Variants in PDZRN4 observed in about 807,000 individuals in gnomAD.
The protein encoded by PDZRN4 is PDZ domain-containing RING finger protein 4.
In PDZRN4, 70 loss-of-function variants were observed where a neutral mutation model predicts 99.0. The ratio of observed to expected loss-of-function variants is 0.71; its 90% CI spans 0.58 to 0.86. The LOEUF (loss-of-function observed/expected upper bound fraction) is 0.86, where lower values mean the gene tolerates loss of function less well. Among genes scored for constraint, PDZRN4 ranks in the 40% least tolerant of loss-of-function variants. The pLI, the probability that PDZRN4 is intolerant of heterozygous loss-of-function variation, is 0.00. For missense variants in PDZRN4, 1,474 were observed against 1,331.2 expected (o/e 1.11, Z -1.67); for synonymous variants, 551 against 501.6 (o/e 1.10, Z -1.32).
chr12:41,568,441 T>C (rs1385531086), intron 9 of PDZRN4, among the ~76,000 whole-genome samples: 1 of 152,200 alleles, frequency 6.6e-6, no homozygotes, highest in East Asian at 1.9e-4. Context: ...ACATTTCCCA[T>C]AGTATAACTT....
At chr12:41,553,481 C>T (rs946581464) in intron 6 of PDZRN4, among the ~76,000 whole-genome samples, 10 of 151,568 alleles carry the variant, frequency 6.6e-5, no homozygotes, top group South Asian at 4.2e-4. Context: ...TTTGAGAAGC[C>T]GAGACAGGAA....
At chr12:41,454,428 T>A (rs1952801656) in intron 3 of PDZRN4, among the ~76,000 whole-genome samples, 1 of 152,156 alleles carries the variant, frequency 6.6e-6, no homozygotes, top group African/African-American at 2.4e-5. Context: ...AAAGATGTAT[T>A]TTTTTCTTTT....
intron 3 of PDZRN4, among the ~76,000 whole-genome samples, chr12:41,246,788 T>C (rs1432080425): frequency 6.6e-6 from 1 of 152,194 alleles, no homozygotes; most frequent in Non-Finnish European, 1.5e-5. Context: ...ATGAGTCCTG[T>C]TATGCCACCG....
At chr12:41,331,578 C>A (rs113284723) in intron 3 of PDZRN4, among the ~76,000 whole-genome samples, 1 of 152,072 alleles carries the variant, frequency 6.6e-6, no homozygotes, top group Admixed American at 6.6e-5. Flanking sequence ...AGGAAGTTGG[C>A]ATTCAGCGAT....
intron 5 of PDZRN4, among the ~76,000 whole-genome samples, chr12:41,526,945 A>T (rs1938578047): frequency 6.6e-6 from 1 of 152,214 alleles, no homozygotes; most frequent in Non-Finnish European, 1.5e-5. Context: ...TTCAGCAATA[A>T]ATATTTTTGA....
At chr12:41,469,240 A>G (rs1369552880) in intron 3 of PDZRN4, among the ~76,000 whole-genome samples, 1 of 152,138 alleles carries the variant, frequency 6.6e-6, no homozygotes, top group African/African-American at 2.4e-5. Context: ...TTATGTGTGA[A>G]AAAAGGTACA....
intron 6 of PDZRN4, among the ~76,000 whole-genome samples, chr12:41,554,713 C>A (rs183695085): frequency 9.2e-4 from 140 of 152,152 alleles, no homozygotes; most frequent in African/African-American, 3.3e-3. Context: ...CCTAATACAG[C>A]CTTAAATATC....
rs186320156 is a variant in PDZRN4, at chr12:41,492,045, G to A, written c.844-14411G>A. Among the ~76,000 whole-genome samples, 351 of 152,182 alleles carry A rather than the reference G, an allele frequency of 2.3e-3. 3 individuals are homozygous for A. The highest frequency in any genetic ancestry group is 6.8e-3 in the Middle Eastern group (2 of 294). On this transcript the variant is annotated intron_variant, in intron 3 of 9. Transcript: ENST00000402685. ...GAATTTATGCTATGAATTGATTAGC[G>A]TATCAAGCACTTGCATCAGATGCAT...
intron 3 of PDZRN4, among the ~76,000 whole-genome samples, chr12:41,481,810 C>G (rs983225181): frequency 2.0e-5 from 3 of 152,174 alleles, no homozygotes; most frequent in South Asian, 2.1e-4. Context: ...CCTCTCCAGA[C>G]AGAAACTAAA....
chr12:41,230,524 T>C (rs1173085465), intron 3 of PDZRN4, among the ~76,000 whole-genome samples: 1 of 152,118 alleles, frequency 6.6e-6, no homozygotes, highest in Admixed American at 6.6e-5. Flanking sequence ...TTTCTGCTTC[T>C]CTCCACTGGC....
At chr12:41,385,297 G>A (rs531095503) in intron 3 of PDZRN4, among the ~76,000 whole-genome samples, 6 of 152,270 alleles carry the variant, frequency 3.9e-5, no homozygotes, top group Non-Finnish European at 8.8e-5. Flanking sequence ...CAATGGACAT[G>A]GCCTTGCAAA....
At chr12:41,452,097 C>T (rs2957590) in intron 3 of PDZRN4, among the ~76,000 whole-genome samples, 76,894 of 150,386 alleles carry the variant, frequency 0.51, 20,079 homozygotes, top group African/African-American at 0.64. Context: ...GTTATTGCTT[C>T]TAGAAGGTGA....
At chr12:41,351,082 A>C (rs1951886612) in intron 3 of PDZRN4, among the ~76,000 whole-genome samples, 1 of 152,142 alleles carries the variant, frequency 6.6e-6, no homozygotes, top group African/African-American at 2.4e-5. Flanking sequence ...GGTTGTTAGA[A>C]GCATCTTAAA....
intron 3 of PDZRN4, among the ~76,000 whole-genome samples, chr12:41,199,978 A>G (rs3911712): frequency 0.67 from 101,557 of 151,928 alleles, 34,110 homozygotes; most frequent in South Asian, 0.74. Flanking sequence ...ATGTATCCAC[A>G]TAAAAAAACT....
intron 3 of PDZRN4, among the ~76,000 whole-genome samples, chr12:41,203,128 T>A (rs191919934): frequency 3.7e-4 from 57 of 152,010 alleles, no homozygotes; most frequent in Non-Finnish European, 1.0e-4. Context: ...AGGCTTTTGT[T>A]ACGGAAGGTT....
At chr12:41,516,489 C>G (rs1378680288) in intron 5 of PDZRN4, among the ~76,000 whole-genome samples, 1 of 151,914 alleles carries the variant, frequency 6.6e-6, no homozygotes, top group African/African-American at 2.4e-5. Context: ...GTAAGAAAGT[C>G]TTTTTTCATA....
intron 3 of PDZRN4, among the ~76,000 whole-genome samples, chr12:41,397,729 G>T (rs1194453192): frequency 6.6e-6 from 1 of 152,114 alleles, no homozygotes; most frequent in Non-Finnish European, 1.5e-5. Context: ...GTTAATGGAT[G>T]TTTTAAAGTT....
intron 3 of PDZRN4, among the ~76,000 whole-genome samples, chr12:41,356,826 C>T (rs1951931023): frequency 6.6e-6 from 1 of 151,892 alleles, no homozygotes; most frequent in Admixed American, 6.6e-5. Context: ...GAATGAGTAA[C>T]AAGTGGCATT....
intron 3 of PDZRN4, among the ~76,000 whole-genome samples, chr12:41,404,960 T>C (rs1952334070): frequency 6.6e-6 from 1 of 152,102 alleles, no homozygotes; most frequent in Non-Finnish European, 1.5e-5. Context: ...CTTTTTACCA[T>C]ATACAAAAAG....
Sources: allele counts gnomAD v4.1 joint callset (sites outside exome capture counted in the v4.1 genomes callset), GRCh38; gene constraint gnomAD v4.1.1; transcripts MANE v1.5; gene names NCBI Gene and HGNC (gene_info 2026-07-23, HGNC 2026-07-21).